Variants in FGL1 observed in about 807,000 individuals in gnomAD.
FGL1 encodes the protein fibrinogen like 1, also known as fibrinogen-like protein 1.
In FGL1, 59 loss-of-function variants were observed where a neutral mutation model predicts 43.7. The observed-to-expected ratio is 1.35, with a 90% CI of 1.10 to 1.68. The LOEUF is 1.68. Among genes scored for constraint, FGL1 ranks in the 40% most tolerant of loss-of-function variants. FGL1 has a pLI of 0.00. For synonymous variants in FGL1, 192 were observed against 126.5 expected, an observed-to-expected ratio of 1.52 and a Z score of -3.48; for missense variants, 596 against 373.0, an observed-to-expected ratio of 1.60 and a Z score of -4.92.
At chr8:17,878,922 C>G (rs928518089) in intron 3 of FGL1, among the ~76,000 whole-genome samples, 27 of 143,446 alleles carry the variant, frequency 1.9e-4, no homozygotes, top group Admixed American at 6.4e-4. Flanking sequence ...AAACACTATA[C>G]TTTATTGGAA....
intron 1 of FGL1, among the ~76,000 whole-genome samples, chr8:17,886,972 T>G (rs2653423): frequency 0.049 from 7,455 of 152,028 alleles, 200 homozygotes; most frequent in East Asian, 0.072. Context: ...CTCATCTAAA[T>G]CCTGTGCAGC....
At chr8:17,893,752 G>A (rs183550069) in intron 1 of FGL1, among the ~76,000 whole-genome samples, 7 of 147,088 alleles carry the variant, frequency 4.8e-5, no homozygotes, top group Non-Finnish European at 8.9e-5. Flanking sequence ...AACATTCTCT[G>A]TAATATTGAA....
chr8:17,879,144 T>A (rs1348266398), intron 3 of FGL1, among the ~76,000 whole-genome samples: 2 of 151,806 alleles, frequency 1.3e-5, no homozygotes, highest in Non-Finnish European at 2.9e-5. Context: ...AAAACAGTCA[T>A]CTAGAATTCC....
At chr8:17,873,052 T>C (rs6984583) in intron 5 of FGL1, among the ~76,000 whole-genome samples, 1,886 of 152,306 alleles carry the variant, frequency 0.012, 39 homozygotes, top group African/African-American at 0.043. Flanking sequence ...AAAGATGAGA[T>C]GTATGTGGAA....
chr8:17,895,462 A>C lies in FGL1; in HGVS notation c.-33T>G, dbSNP rs749260628. ...AATAACTTGCCTAAAGTCAGAAGTG[A>C]GTCAGAGACCCAGCTCAGGTTCCAT... On this transcript the variant is annotated 5_prime_UTR_variant, in exon 1 of 8. Transcript: ENST00000427924. 118 of 1,282,664 alleles carry C rather than the reference A, an allele frequency of 9.2e-5. No individual in the cohort carries two copies. Among genetic ancestry groups the C allele is most frequent in the Non-Finnish European group, 1.2e-4 (118 of 983,054 alleles). 79.5% of individuals were successfully genotyped at this position (1,282,664 alleles called of 1,614,324 possible). A position where few individuals can be genotyped will look rare whatever the true frequency, so the allele number is the denominator to read the frequency against.
At chr8:17,876,721 T>G (rs1402140059) in intron 3 of FGL1, among the ~76,000 whole-genome samples, 1 of 152,196 alleles carries the variant, frequency 6.6e-6, no homozygotes, top group Non-Finnish European at 1.5e-5. Context: ...ACCAAAGAGC[T>G]GAATACTAAA....
intron 5 of FGL1, among the ~76,000 whole-genome samples, chr8:17,870,603 C>T (rs1314203970): frequency 6.6e-6 from 1 of 152,170 alleles, no homozygotes; most frequent in Non-Finnish European, 1.5e-5. Context: ...CCATCTCCAT[C>T]ACTTATAGCA....
chr8:17,872,334 G>C (rs958885298), intron 5 of FGL1, among the ~76,000 whole-genome samples: 2 of 56,026 alleles, frequency 3.6e-5, no homozygotes, highest in African/African-American at 1.7e-4. Flanking sequence ...ACAGAGTCTT[G>C]CTCTGTCACC....
chr8:17,879,484 G>A (rs1330289964), intron 3 of FGL1, among the ~76,000 whole-genome samples: 2 of 152,020 alleles, frequency 1.3e-5, no homozygotes, highest in East Asian at 1.9e-4. Context: ...TCATGGGGGT[G>A]GAGTTGTCAT....
intron 1 of FGL1, among the ~76,000 whole-genome samples, chr8:17,889,344 G>C (rs2053674259): frequency 6.6e-6 from 1 of 152,188 alleles, no homozygotes; most frequent in South Asian, 2.1e-4. Flanking sequence ...GAGGCCAGGA[G>C]TTCAAGACCA....
intron 5 of FGL1, among the ~76,000 whole-genome samples, chr8:17,869,482 C>T (rs561456260): frequency 1.3e-5 from 2 of 152,278 alleles, no homozygotes; most frequent in South Asian, 2.1e-4. Context: ...CCTGCATATG[C>T]CTGAACTTGG....
At chr8:17,871,506 A>C (rs553893855) in intron 5 of FGL1, among the ~76,000 whole-genome samples, 26 of 152,102 alleles carry the variant, frequency 1.7e-4, no homozygotes, top group East Asian at 5.8e-4. Context: ...AAAAAAACAA[A>C]AAAAAAAAAC....
rs2053406204 is a variant in FGL1 at position 17,874,080 on chromosome 8, A to G, written c.441T>C (p.Phe147=). The G allele has an allele frequency of 6.2e-7, 1 of 1,611,618 alleles. No individual in the cohort carries two copies. The highest frequency in any genetic ancestry group is 8.5e-7 in the Non-Finnish European group (1 of 1,179,462). ...GCCAATATTCACCATGTTTTTGGAC[A>G]AAATTTCCAAAGCCATTTTCATAGT... The part of the protein sequence containing the change: ...WKDYENGFGN[F]VQKHGEYWLG... The change falls in exon 5 of 8, where the codon TTT becomes TTC. Residue 147 remains phenylalanine (F), a synonymous_variant. Coordinates refer to ENST00000427924, the MANE Select transcript of FGL1 (RefSeq NM_004467.4).
At chr8:17,892,641 G>A (rs1361418012) in intron 1 of FGL1, among the ~76,000 whole-genome samples, 1 of 152,096 alleles carries the variant, frequency 6.6e-6, no homozygotes, top group African/African-American at 2.4e-5. Flanking sequence ...TACTGATTAG[G>A]ATTTTTCCTT....
chr8:17,884,919 C>G (rs1563459476), intron 2 of FGL1, among the ~76,000 whole-genome samples: 1 of 152,236 alleles, frequency 6.6e-6, no homozygotes, highest in East Asian at 1.9e-4. Context: ...TATTGAAAAG[C>G]TCAAGGTTAA....
intron 1 of FGL1, 114 bp from the exon 2 acceptor site, chr8:17,885,685 C>A: frequency 1.3e-6 from 1 of 754,522 alleles, no homozygotes; most frequent in Non-Finnish European, 2.1e-6. Flanking sequence ...CATCCCTAAT[C>A]TTAGAGTCGC....
At chr8:17,883,533 TTTA>T (rs1390157325) in intron 2 of FGL1, among the ~76,000 whole-genome samples, 2 of 136,766 alleles carry the variant, frequency 1.5e-5, no homozygotes, top group Non-Finnish European at 3.0e-5. Flanking sequence ...TATAATTGTA[TTTA>T]TTATATTATA....
intron 7 of FGL1, 26 bp from the exon 8 acceptor site, chr8:17,864,777 AAAC>A: frequency 1.4e-6 from 2 of 1,433,228 alleles, no homozygotes; most frequent in Non-Finnish European, 1.8e-6. Context: ...AAAAAAAAGA[AAAC>A]AACAATCAGA....
intron 7 of FGL1, among the ~76,000 whole-genome samples, chr8:17,866,634 T>G (rs1211467467): frequency 6.6e-6 from 1 of 152,214 alleles, no homozygotes; most frequent in African/African-American, 2.4e-5. Flanking sequence ...GGCCTTTCTT[T>G]GTGCTCCCTG....
Sources: allele counts gnomAD v4.1 joint callset (sites outside exome capture counted in the v4.1 genomes callset), GRCh38; gene constraint gnomAD v4.1.1; transcripts MANE v1.5; gene names NCBI Gene and HGNC (gene_info 2026-07-23, HGNC 2026-07-21).